The following LRCH1 variants were observed in gnomAD, a reference collection of about 807,000 sequenced individuals.
LRCH1 encodes leucine-rich repeat and calponin homology domain-containing protein 1.
LRCH1 carries 23 observed loss-of-function variants against 94.9 expected under a neutral mutation model. The observed-to-expected ratio is 0.24, with a 90% CI of 0.17 to 0.34. LRCH1 has a LOEUF of 0.34. Among genes scored for constraint, LRCH1 ranks in the 10% least tolerant of loss-of-function variants. The pLI is 1.00. For synonymous variants in LRCH1, 364 were observed against 354.9 expected (o/e 1.03, Z -0.29); for missense variants, 790 against 945.9 (o/e 0.84, Z 2.16).
intron 1 of LRCH1, among the ~76,000 whole-genome samples, chr13:46,638,077 C>G (rs1475220189): frequency 6.6e-6 from 1 of 152,044 alleles, no homozygotes; most frequent in Non-Finnish European, 1.5e-5. Flanking sequence ...GAGTCGTTTC[C>G]AAGAAGGATG....
Position 46,712,588 on chromosome 13 carries a change from C to A in LRCH1, c.1645C>A (p.Pro549Thr), listed in dbSNP as rs1872126360. 6.2e-7 allele frequency: 1 copy of A among 1,613,716 alleles called. No individual in the cohort carries two copies. The highest frequency in any genetic ancestry group is 1.3e-5 in the African/African-American group (1 of 75,020). ...CAGCACAGCTCCATTTGGCCTGAAG[C>A]CTCGATCAGGTAAATGAAAACCTCA... ...TNSTAPFGLK[P>T]RSDPALILPP... The change falls in exon 15 of 20, where the codon CCT (proline) becomes ACT (threonine). Residue 549 changes from proline (P) to threonine (T), a missense_variant. By Grantham distance (38) the Pro-to-Thr change is conservative. Around this residue, in one of 3 missense-constraint regions of LRCH1, gnomAD observed 460 missense variants for 508.9 expected, o/e 0.90. Coordinates refer to ENST00000389797, the MANE Select transcript of LRCH1 (RefSeq NM_001164211.2).
intron 1 of LRCH1, among the ~76,000 whole-genome samples, chr13:46,616,532 T>C (rs2050811018): frequency 6.6e-6 from 1 of 152,222 alleles, no homozygotes; most frequent in African/African-American, 2.4e-5. Context: ...GTGTAATGTC[T>C]TGAGTCACTT....
chr13:46,706,727 T>C (rs1290277481), intron 13 of LRCH1, among the ~76,000 whole-genome samples: 4 of 150,100 alleles, frequency 2.7e-5, no homozygotes, highest in Non-Finnish European at 5.9e-5. Context: ...ATAATAATTT[T>C]AAACATGAAA....
chr13:46,686,994 T>A (rs1870652008), intron 5 of LRCH1, among the ~76,000 whole-genome samples: 1 of 135,116 alleles, frequency 7.4e-6, no homozygotes, highest in African/African-American at 2.8e-5. Flanking sequence ...AGTCTCGCTC[T>A]GTCGCCCAGG....
At position 46,712,614 on chromosome 13, in the gene LRCH1, G is replaced by A. The variant is rs756950634; in HGVS notation, c.1654+17G>A. 3.7e-6 allele frequency: 6 copies of A among 1,609,564 alleles called. No homozygotes were observed. The Admixed American group carries it at 1.0e-4, about 27-fold the overall frequency. On this transcript the variant is annotated intron_variant, in intron 15 of 19. Coordinates refer to ENST00000389797, the MANE Select transcript of LRCH1 (RefSeq NM_001164211.2). ...CTCGATCAGGTAAATGAAAACCTCAGCCCATTCTTACACTAAATAACTCAT... is the reference window on the plus strand; with the variant it reads ...CTCGATCAGGTAAATGAAAACCTCAACCCATTCTTACACTAAATAACTCAT...
intron 1 of LRCH1, among the ~76,000 whole-genome samples, chr13:46,555,345 CTAA>C (rs1031871519): frequency 6.6e-6 from 1 of 152,210 alleles, no homozygotes; most frequent in Non-Finnish European, 1.5e-5. Flanking sequence ...GCTGGCATGA[CTAA>C]TAATAATAGG....
At chr13:46,723,771 G>C (rs1175324864) in intron 17 of LRCH1, among the ~76,000 whole-genome samples, 1 of 151,858 alleles carries the variant, frequency 6.6e-6, no homozygotes, top group Non-Finnish European at 1.5e-5. Context: ...CTTCACTTCA[G>C]CCTGGGTGAC....
chr13:46,698,110 A>G (rs1332770304), intron 9 of LRCH1, among the ~76,000 whole-genome samples: 2 of 152,204 alleles, frequency 1.3e-5, no homozygotes, highest in Non-Finnish European at 2.9e-5. Context: ...TAATCACTAC[A>G]GAAAAAGTCC....
chr13:46,637,861 C>T (rs995616950), intron 1 of LRCH1, among the ~76,000 whole-genome samples: 1 of 152,228 alleles, frequency 6.6e-6, no homozygotes, highest in Non-Finnish European at 1.5e-5. Flanking sequence ...GATTTGCCCA[C>T]TGCTTAGAAC....
At chr13:46,596,462 G>T (rs891106502) in intron 1 of LRCH1, among the ~76,000 whole-genome samples, 2 of 152,164 alleles carry the variant, frequency 1.3e-5, no homozygotes, top group African/African-American at 2.4e-5. Flanking sequence ...CCATTTTTAT[G>T]ATTTAAGACA....
intron 1 of LRCH1, among the ~76,000 whole-genome samples, chr13:46,628,706 G>T (rs2050981835): frequency 6.6e-6 from 1 of 150,916 alleles, no homozygotes; most frequent in Non-Finnish European, 1.5e-5. Flanking sequence ...CTGAGACCAT[G>T]ACAGGAACGG....
At chr13:46,682,176 C>T (rs1870352718) in intron 4 of LRCH1, among the ~76,000 whole-genome samples, 1 of 152,040 alleles carries the variant, frequency 6.6e-6, no homozygotes. Flanking sequence ...TTCATCTTCT[C>T]ACAATTTTGG....
intron 1 of LRCH1, among the ~76,000 whole-genome samples, chr13:46,558,724 C>G (rs566544276): frequency 3.4e-4 from 51 of 148,694 alleles, no homozygotes; most frequent in African/African-American, 1.2e-3. Context: ...CAGAACAAGA[C>G]TCTGTCTCAA....
chr13:46,722,574 G>A (rs988617752), intron 16 of LRCH1, among the ~76,000 whole-genome samples: 7 of 152,142 alleles, frequency 4.6e-5, no homozygotes, highest in East Asian at 1.9e-4. Flanking sequence ...CTTGGAAGTC[G>A]TAACTTCAAG....
At chr13:46,674,683 T>C (rs910480334) in intron 3 of LRCH1, among the ~76,000 whole-genome samples, 2 of 152,272 alleles carry the variant, frequency 1.3e-5, no homozygotes, top group Non-Finnish European at 2.9e-5. Flanking sequence ...ACCTGCTATA[T>C]ACCAGGCACT....
chr13:46,742,329 T>A lies in LRCH1; in HGVS notation c.*481T>A. On this transcript the variant is annotated 3_prime_UTR_variant, in exon 20 of 20. Coordinates refer to ENST00000389797, the MANE Select transcript of LRCH1 (RefSeq NM_001164211.2). ...TTGCAGGGAGGACAGAAAACTAACA[T>A]TTTGGCCCAACTTGATCTATACAAA... 4.0e-6 allele frequency: 4 copies of A among 1,002,684 alleles called. No individual in the cohort carries two copies. The highest frequency in any genetic ancestry group is 4.8e-6 in the Non-Finnish European group (4 of 839,858). The allele number at this position is 1,002,684 out of a possible 1,614,324, so 62.1% of individuals were successfully genotyped here.
At chr13:46,559,251 T>A (rs2050103767) in intron 1 of LRCH1, among the ~76,000 whole-genome samples, 1 of 152,246 alleles carries the variant, frequency 6.6e-6, no homozygotes, top group Non-Finnish European at 1.5e-5. Flanking sequence ...TCTTTTATAG[T>A]TATATCCAGT....
At chr13:46,619,064 T>TCCTTCCTTCCTTCCTTCC (rs1555273945) in intron 1 of LRCH1, among the ~76,000 whole-genome samples, 33 of 114,720 alleles carry the variant, frequency 2.9e-4, no homozygotes, top group East Asian at 2.2e-3. Flanking sequence ...TCTTTTCTTT[T>TCCTTCCTTCCTTCCTTCC]TTCCTTCCTT....
chr13:46,668,571 C>CCTGT (rs2051552516), intron 2 of LRCH1, among the ~76,000 whole-genome samples: 1 of 152,116 alleles, frequency 6.6e-6, no homozygotes, highest in African/African-American at 2.4e-5. Flanking sequence ...TGAAATGATG[C>CCTGT]CTGTGTGGTG....
Sources: gnomAD v4.1 joint callset for allele counts (sites outside exome capture counted in the v4.1 genomes callset) on GRCh38, gnomAD v4.1.1 for gene constraint, gnomAD v4.1.1 regional missense constraint, MANE v1.5 for transcripts, NCBI Gene and HGNC (gene_info 2026-07-23, HGNC 2026-07-21) for gene names.